Variants in CAMKMT observed in about 807,000 individuals in gnomAD.
The protein encoded by CAMKMT is CaM KMT.
CAMKMT carries 53 observed loss-of-function variants against 48.0 expected under a neutral mutation model. The observed-to-expected ratio is 1.10, with a 90% CI of 0.89 to 1.39. The LOEUF (loss-of-function observed/expected upper bound fraction) is 1.39. Ranked by LOEUF, CAMKMT falls within the 40% of genes most tolerant of loss-of-function variation. CAMKMT has a pLI of 0.00. For synonymous variants in CAMKMT, 165 were observed against 152.3 expected (o/e 1.08, Z -0.61); for missense variants, 428 against 402.7 (o/e 1.06, Z -0.54).
chr2:44,615,637 G>A (rs1671845902), intron 3 of CAMKMT, among the ~76,000 whole-genome samples: 1 of 152,016 alleles, frequency 6.6e-6, no homozygotes, highest in Non-Finnish European at 1.5e-5. Flanking sequence ...TACATTTGAG[G>A]GGCATTGGGC....
At chr2:44,463,608 C>G (rs1455840072) in intron 3 of CAMKMT, among the ~76,000 whole-genome samples, 1 of 152,180 alleles carries the variant, frequency 6.6e-6, no homozygotes, top group East Asian at 1.9e-4. Context: ...GCTGAACCAG[C>G]ATACCTTGGA....
At chr2:44,726,923 G>A (rs1190849638) in intron 7 of CAMKMT, among the ~76,000 whole-genome samples, 2 of 152,144 alleles carry the variant, frequency 1.3e-5, no homozygotes, top group Non-Finnish European at 2.9e-5. Flanking sequence ...AGATCAGATG[G>A]TTGCAAGTGT....
At chr2:44,650,143 C>G (rs1361194079) in intron 3 of CAMKMT, among the ~76,000 whole-genome samples, 1 of 152,168 alleles carries the variant, frequency 6.6e-6, no homozygotes, top group South Asian at 2.1e-4. Context: ...GGCTAGAAGT[C>G]CAAAGTCAAG....
intron 3 of CAMKMT, among the ~76,000 whole-genome samples, chr2:44,521,526 G>T (rs575859626): frequency 6.6e-6 from 1 of 152,144 alleles, no homozygotes; most frequent in East Asian, 1.9e-4. Context: ...TGATTCACCC[G>T]CCTTGGCCTC....
intron 3 of CAMKMT, among the ~76,000 whole-genome samples, chr2:44,510,411 T>C (rs1366943820): frequency 6.6e-6 from 1 of 152,208 alleles, no homozygotes; most frequent in East Asian, 1.9e-4. Flanking sequence ...TCCTTCTCAG[T>C]GAATCATACT....
At chr2:44,440,350 G>T (rs1666571012) in intron 3 of CAMKMT, among the ~76,000 whole-genome samples, 1 of 152,006 alleles carries the variant, frequency 6.6e-6, no homozygotes, top group African/African-American at 2.4e-5. Flanking sequence ...TTTATTTTTT[G>T]GATGAAGAAC....
At chr2:44,396,808 C>A (rs1456342010) in intron 3 of CAMKMT, among the ~76,000 whole-genome samples, 1 of 151,342 alleles carries the variant, frequency 6.6e-6, no homozygotes, top group Non-Finnish European at 1.5e-5. Context: ...CACCTGTAAT[C>A]CCAGCACTTT....
chr2:44,617,199 G>A (rs1292557091), intron 3 of CAMKMT, among the ~76,000 whole-genome samples: 1 of 152,186 alleles, frequency 6.6e-6, no homozygotes, highest in Non-Finnish European at 1.5e-5. Context: ...TGTGGTGAGA[G>A]CAGCTGATAA....
chr2:44,706,601 C>T (rs571376592), intron 5 of CAMKMT, among the ~76,000 whole-genome samples: 1 of 150,936 alleles, frequency 6.6e-6, no homozygotes, highest in South Asian at 2.1e-4. Context: ...CTTTCTTTGC[C>T]ATAGCGAAAG....
In CAMKMT at chr2:44,514,558, G is replaced by A. The variant is rs112815727; in HGVS notation, c.376+124253G>A. ...AGGGAATGCTACATGGATTAATCAA[G>A]GATGTCCAATTCTAAAACAAAGGAT... On this transcript the variant is annotated intron_variant, in intron 3 of 10. Transcript: ENST00000378494. Among the ~76,000 whole-genome samples the A allele has an allele frequency of 1.0e-3, 157 of 152,204 alleles. 1 individual carries two copies. The highest frequency in any genetic ancestry group is 3.6e-3 in the African/African-American group (148 of 41,550).
intron 3 of CAMKMT, among the ~76,000 whole-genome samples, chr2:44,580,772 T>G (rs1226314151): frequency 6.6e-6 from 1 of 152,220 alleles, no homozygotes; most frequent in Non-Finnish European, 1.5e-5. Context: ...TTTACACGGC[T>G]TCAGAATGGT....
intron 3 of CAMKMT, among the ~76,000 whole-genome samples, chr2:44,616,681 C>G (rs1163651650): frequency 1.3e-5 from 2 of 152,134 alleles, no homozygotes; most frequent in South Asian, 2.1e-4. Context: ...CAGGGTTCAA[C>G]TGACATGGGG....
chr2:44,474,446 CAAA>C (rs1222971931), intron 3 of CAMKMT, among the ~76,000 whole-genome samples: 2 of 58,012 alleles, frequency 3.4e-5, no homozygotes, highest in Non-Finnish European at 3.6e-5. Flanking sequence ...GACTCCGTCT[CAAA>C]AAAAAAAAAA....
chr2:44,715,196 A>C lies in CAMKMT; in HGVS notation c.557-91A>C, dbSNP rs78425016. On this transcript the variant is annotated intron_variant, in intron 6 of 10. Transcript: ENST00000378494. ...CAACAGAGCGAGACCCTGTCTCAAA[A>C]AAAAAAAAAAAAAAAAGATAACTGT... 1.2e-5 allele frequency: 7 copies of C among 572,978 alleles called. No individual in the cohort carries two copies. In the African/African-American group the frequency reaches 1.6e-4, roughly 13 times the overall value. The allele number at this position is 572,978 out of a possible 1,614,324, so 35.5% of individuals were successfully genotyped here. A position where few individuals can be genotyped will look rare whatever the true frequency, so the allele number is the denominator to read the frequency against.
intron 3 of CAMKMT, among the ~76,000 whole-genome samples, chr2:44,449,499 C>T (rs1397265155): frequency 6.6e-6 from 1 of 152,072 alleles, no homozygotes; most frequent in Non-Finnish European, 1.5e-5. Flanking sequence ...TAGTTTATAT[C>T]TCCATAAATC....
chr2:44,746,784 T>A lies in CAMKMT; in HGVS notation c.698+3088T>A, dbSNP rs892625911. Reference sequence around the variant, plus strand: ...GACTTGTTTAATGTTGAGTTTAATATAAGGATTCCTTTCTGCTGGAATGCA... The same window carrying A: ...GACTTGTTTAATGTTGAGTTTAATAAAAGGATTCCTTTCTGCTGGAATGCA... On this transcript the variant is annotated intron_variant, in intron 8 of 10. Coordinates refer to ENST00000378494, the MANE Select transcript of CAMKMT (RefSeq NM_024766.5). Among the ~76,000 whole-genome samples the A allele has an allele frequency of 3.9e-5, 6 of 152,348 alleles. 1 individual carries two copies. In the East Asian group the frequency reaches 9.6e-4, roughly 24 times the overall value.
At chr2:44,688,824 T>G (rs1398004116) in intron 3 of CAMKMT, among the ~76,000 whole-genome samples, 1 of 152,152 alleles carries the variant, frequency 6.6e-6, no homozygotes, top group Non-Finnish European at 1.5e-5. Context: ...CTAAAATAAG[T>G]TATGCTGCCT....
intron 3 of CAMKMT, among the ~76,000 whole-genome samples, chr2:44,697,852 A>G (rs138224896): frequency 6.6e-6 from 1 of 152,182 alleles, no homozygotes; most frequent in African/African-American, 2.4e-5. Context: ...TCAAGAAGCA[A>G]CAATACAAAC....
chr2:44,723,223 C>G (rs1047963381), intron 7 of CAMKMT, among the ~76,000 whole-genome samples: 3 of 152,168 alleles, frequency 2.0e-5, no homozygotes, highest in Non-Finnish European at 4.4e-5. Flanking sequence ...GGAGCCCTCA[C>G]GTGGGGACCA....
Sources: gnomAD v4.1 joint callset for allele counts (sites outside exome capture counted in the v4.1 genomes callset) on GRCh38, gnomAD v4.1.1 for gene constraint, MANE v1.5 for transcripts, NCBI Gene and HGNC (gene_info 2026-07-23, HGNC 2026-07-21) for gene names.